The following TRAPPC9 variants were observed in gnomAD, a reference collection of about 807,000 sequenced individuals.
TRAPPC9 encodes the protein IKK2 binding protein.
In TRAPPC9, 83 loss-of-function variants were observed where a neutral mutation model predicts 124.0. The observed-to-expected ratio is 0.67, with a 90% confidence interval of 0.56 to 0.80. The LOEUF (loss-of-function observed/expected upper bound fraction) is 0.80, where lower values mean the gene tolerates loss of function less well. Ranked by LOEUF, TRAPPC9 falls within the 30% of genes least tolerant of loss-of-function variation. TRAPPC9 has a pLI of 0.00. For synonymous variants in TRAPPC9, 638 were observed against 617.5 expected, an observed-to-expected ratio of 1.03 and a Z score of -0.49; for missense variants, 1,302 against 1,508.3, an observed-to-expected ratio of 0.86 and a Z score of 2.27.
chr8:139,782,713 C>T (rs946466262), intron 21 of TRAPPC9, among the ~76,000 whole-genome samples: 1 of 152,158 alleles, frequency 6.6e-6, no homozygotes, highest in East Asian at 1.9e-4. Flanking sequence ...ACAACTTGTT[C>T]TAATCAATAT....
At chr8:140,430,951 TTCA>T (rs2070618280) in intron 4 of TRAPPC9, among the ~76,000 whole-genome samples, 1 of 152,074 alleles carries the variant, frequency 6.6e-6, no homozygotes, top group Admixed American at 6.5e-5. Context: ...AGAATGTGGT[TTCA>T]TCACTAATAA....
At chr8:140,331,671 G>A (rs984287942) in intron 9 of TRAPPC9, among the ~76,000 whole-genome samples, 1 of 148,676 alleles carries the variant, frequency 6.7e-6, no homozygotes, top group Non-Finnish European at 1.5e-5. Flanking sequence ...GGCAAAAGAC[G>A]TGAATAGACA....
chr8:140,457,277 G>C (rs2071711745), intron 1 of TRAPPC9, among the ~76,000 whole-genome samples: 1 of 152,214 alleles, frequency 6.6e-6, no homozygotes, highest in Non-Finnish European at 1.5e-5. Context: ...AAGCCAGGCG[G>C]AGACAGCTCG....
intron 21 of TRAPPC9, among the ~76,000 whole-genome samples, chr8:139,795,990 T>C (rs988844637): frequency 2.0e-5 from 3 of 147,924 alleles, no homozygotes; most frequent in Non-Finnish European, 4.5e-5. Flanking sequence ...GAGCATGAAA[T>C]GGGTTTGGTG....
At chr8:140,179,722 A>G (rs1196048857) in intron 17 of TRAPPC9, among the ~76,000 whole-genome samples, 1 of 152,014 alleles carries the variant, frequency 6.6e-6, no homozygotes, top group Admixed American at 6.5e-5. Flanking sequence ...TTTGTCAGCT[A>G]TTTGCTTCAT....
At chr8:140,347,166 G>A (rs367846557) in intron 9 of TRAPPC9, among the ~76,000 whole-genome samples, 1 of 152,318 alleles carries the variant, frequency 6.6e-6, no homozygotes, top group East Asian at 1.9e-4. Flanking sequence ...GCTGGGAGGT[G>A]GTGAGAAGCT....
At position 139,837,992 on chromosome 8, in the gene TRAPPC9, C is replaced by T. The variant is rs115520345; in HGVS notation, c.3055+47887G>A. Among the ~76,000 whole-genome samples, 1,223 of 152,306 alleles carry T rather than the reference C, an allele frequency of 8.0e-3. 12 individuals carry two copies. Among genetic ancestry groups the T allele is most frequent in the African/African-American group, 0.028 (1,155 of 41,564 alleles). ...GGCTGCAGGCTCCTTCCACACTGCA[C>T]ATCTGATCACACCACCCAAAGCCTT... On this transcript the variant is annotated intron_variant, in intron 21 of 22. Coordinates refer to ENST00000438773, the MANE Select transcript of TRAPPC9 (RefSeq NM_001160372.4).
intron 17 of TRAPPC9, among the ~76,000 whole-genome samples, chr8:140,032,104 T>C (rs957873617): frequency 3.3e-5 from 5 of 152,192 alleles, no homozygotes; most frequent in African/African-American, 9.7e-5. Flanking sequence ...GAGAAGTCTT[T>C]CCAGCGTCTC....
intron 21 of TRAPPC9, among the ~76,000 whole-genome samples, chr8:139,814,675 C>T (rs1028603269): frequency 1.3e-5 from 2 of 152,096 alleles, no homozygotes; most frequent in Non-Finnish European, 2.9e-5. Flanking sequence ...GTTTTCAAAG[C>T]TTTCCCTCCT....
rs991638554 is a variant in TRAPPC9 at position 139,984,637 on chromosome 8, C to T, written c.2810+4089G>A. 1.2e-4 allele frequency among the ~76,000 whole-genome samples: 18 copies of T among 152,248 alleles called. No homozygotes were observed. The highest frequency in any genetic ancestry group is 5.2e-4 in the Admixed American group (8 of 15,294). On this transcript the variant is annotated intron_variant, in intron 19 of 22. Coordinates refer to ENST00000438773, the MANE Select transcript of TRAPPC9 (RefSeq NM_001160372.4). This position sits in a 1 kb window ranked among gnomAD's most constrained non-coding sequence, Gnocchi z 4.3. The stretch of plus-strand genomic sequence containing the variant: ...TTGCGAAGTAAGGTAGAGCCATTTC[C>T]ACTTCCTCCACCTGCACTGCTCTGC...
intron 17 of TRAPPC9, among the ~76,000 whole-genome samples, chr8:140,150,690 G>A (rs2061530808): frequency 6.6e-6 from 1 of 152,142 alleles, no homozygotes; most frequent in African/African-American, 2.4e-5. Context: ...CAGACCCTGG[G>A]CAGCACCCAC....
intron 21 of TRAPPC9, among the ~76,000 whole-genome samples, chr8:139,744,523 G>A (rs144120300): frequency 0.017 from 2,515 of 152,302 alleles, 33 homozygotes; most frequent in Non-Finnish European, 0.027. Flanking sequence ...CCTAGGAGCC[G>A]AGGCAGGCCC....
intron 21 of TRAPPC9, among the ~76,000 whole-genome samples, chr8:139,859,189 G>A (rs1329740438): frequency 6.6e-6 from 1 of 151,832 alleles, no homozygotes; most frequent in Non-Finnish European, 1.5e-5. Flanking sequence ...GCACCGAGCT[G>A]CCTGCGTCTG....
chr8:139,814,476 C>G (rs1447067218), intron 21 of TRAPPC9, among the ~76,000 whole-genome samples: 2 of 152,112 alleles, frequency 1.3e-5, no homozygotes, highest in Non-Finnish European at 2.9e-5. Flanking sequence ...CCCGGGGCCC[C>G]TGAGGAGGAC....
rs577616587 is a variant in TRAPPC9, at chr8:140,296,545, C to T, written c.1768+3924G>A. Among the ~76,000 whole-genome samples the T allele has an allele frequency of 7.2e-5, 11 of 152,196 alleles. 1 individual carries two copies. Among genetic ancestry groups the T allele is most frequent in the Non-Finnish European group, 1.3e-4 (9 of 68,036 alleles). On this transcript the variant is annotated intron_variant, in intron 11 of 22. Transcript: ENST00000438773. ...CCTCCCAAAGTGCTGGGATTACAGG[C>T]GTGGGCCACCACACTCGGCCAACAA...
chr8:140,283,834 G>A, intron 14 of TRAPPC9, 55 bp downstream of exon 14: 1 of 1,606,450 alleles, frequency 6.2e-7, no homozygotes, highest in South Asian at 1.1e-5. Flanking sequence ...AAAAAATGTA[G>A]GACCAAAAAT....
intron 17 of TRAPPC9, among the ~76,000 whole-genome samples, chr8:140,080,737 A>T (rs895071812): frequency 6.6e-6 from 1 of 152,204 alleles, no homozygotes; most frequent in Admixed American, 6.5e-5. Flanking sequence ...TGGTGGAAAC[A>T]AACCACATCC....
intron 21 of TRAPPC9, among the ~76,000 whole-genome samples, chr8:139,784,350 G>A (rs1179674544): frequency 6.6e-6 from 1 of 151,988 alleles, no homozygotes; most frequent in Non-Finnish European, 1.5e-5. Context: ...AAGGCAGGTG[G>A]ATCACCTCAG....
intron 17 of TRAPPC9, among the ~76,000 whole-genome samples, chr8:140,141,931 C>T (rs559543632): frequency 2.0e-5 from 3 of 152,240 alleles, no homozygotes; most frequent in South Asian, 2.1e-4. Context: ...TTTTGGTTTC[C>T]GTTTCAGAGT....
Sources: gnomAD v4.1 joint callset for allele counts (sites outside exome capture counted in the v4.1 genomes callset) on GRCh38, gnomAD v4.1.1 for gene constraint, Gnocchi (gnomAD v3.1) non-coding constraint, MANE v1.5 for transcripts, NCBI Gene and HGNC (gene_info 2026-07-23, HGNC 2026-07-21) for gene names.